The following TTC6 variants were observed in gnomAD, a reference collection of about 807,000 sequenced individuals.
The protein encoded by TTC6 is tetratricopeptide repeat domain 6.
Under a neutral mutation model 210.4 loss-of-function variants are expected in TTC6, and 172 were observed. That is an observed-to-expected ratio of 0.82 (90% CI 0.72 to 0.93). The LOEUF (loss-of-function observed/expected upper bound fraction) is 0.93, where lower values mean the gene tolerates loss of function less well. TTC6 is among the 40% of genes least tolerant of loss of function. The pLI, the probability that TTC6 is intolerant of heterozygous loss-of-function variation, is 0.00. For missense variants in TTC6, 2,414 were observed against 2,318.1 expected, an observed-to-expected ratio of 1.04 and a Z score of -0.85; for synonymous variants, 804 against 819.6, an observed-to-expected ratio of 0.98 and a Z score of 0.32.
At chr14:37,615,784 G>T (rs1282355036) in intron 2 of TTC6, among the ~76,000 whole-genome samples, 1 of 151,504 alleles carries the variant, frequency 6.6e-6, no homozygotes, top group Non-Finnish European at 1.5e-5. Context: ...TTAATCTCTA[G>T]CATATTTTCC....
intron 17 of TTC6, among the ~76,000 whole-genome samples, chr14:37,793,360 A>G (rs1443192244): frequency 1.3e-5 from 2 of 152,210 alleles, no homozygotes; most frequent in African/African-American, 2.4e-5. Flanking sequence ...AAACAAAAAA[A>G]CAAAAAACCC....
chr14:37,746,420 A>G (rs1238609218), intron 10 of TTC6, among the ~76,000 whole-genome samples: 1 of 152,184 alleles, frequency 6.6e-6, no homozygotes, highest in Admixed American at 6.5e-5. Flanking sequence ...TAATCCATGC[A>G]TGAGTGTTAC....
At chr14:37,680,448 T>A (rs1351868952) in intron 2 of TTC6, among the ~76,000 whole-genome samples, 187 bp downstream of exon 4, 1 of 152,154 alleles carries the variant, frequency 6.6e-6, no homozygotes, top group Non-Finnish European at 1.5e-5. Flanking sequence ...TGTTGCTGGC[T>A]ACCATGGACC....
At chr14:37,841,089 G>C (rs1043588058) in intron 29 of TTC6, among the ~76,000 whole-genome samples, 2 of 152,104 alleles carry the variant, frequency 1.3e-5, no homozygotes, top group African/African-American at 4.8e-5. Context: ...GGCTGGTCTC[G>C]AACTCCTGAC....
chr14:37,716,178 CAATT>C (rs1195383961), intron 6 of TTC6, among the ~76,000 whole-genome samples: 1 of 151,640 alleles, frequency 6.6e-6, no homozygotes, highest in African/African-American at 2.4e-5. Context: ...CCTAGAGTAA[CAATT>C]AAAAAGCTAT....
chr14:37,596,084 C>T (rs1167994775), intron 1 of TTC6, 76 bp downstream of exon 1: 2 of 152,262 alleles, frequency 1.3e-5, no homozygotes, highest in African/African-American at 2.4e-5. Context: ...CTCCTCTCCC[C>T]TTGTCATCTG....
At chr14:37,656,966 T>C (rs974454487) in intron 1 of TTC6, among the ~76,000 whole-genome samples, 2 of 152,030 alleles carry the variant, frequency 1.3e-5, no homozygotes, top group African/African-American at 4.8e-5. Context: ...TCCTGGCATT[T>C]TGGGAGGCCG....
exon 6 of TTC6, chr14:37,714,777 T>C (rs1332948822): frequency 6.5e-7 from 1 of 1,535,358 alleles, no homozygotes; most frequent in Non-Finnish European, 8.7e-7. Context: ...AAACCACACT[T>C]GGAAGTCTTG....
intron 1 of TTC6, among the ~76,000 whole-genome samples, chr14:37,667,052 G>A (rs535488178): frequency 1.7e-4 from 25 of 148,862 alleles, no homozygotes; most frequent in African/African-American, 5.9e-4. Flanking sequence ...GACATTTATT[G>A]TATCTAATTT....
intron 1 of TTC6, among the ~76,000 whole-genome samples, chr14:37,650,560 AGT>A (rs1234904689): frequency 1.3e-5 from 2 of 152,222 alleles, no homozygotes; most frequent in Non-Finnish European, 2.9e-5. Flanking sequence ...CCTATGGGAA[AGT>A]GTGTGAGCTT....
intron 7 of TTC6, among the ~76,000 whole-genome samples, chr14:37,726,525 A>G (rs2095873346): frequency 6.6e-6 from 1 of 152,072 alleles, no homozygotes; most frequent in African/African-American, 2.4e-5. Context: ...TTTTATTTTT[A>G]ATTTTAAATA....
intron 15 of TTC6, among the ~76,000 whole-genome samples, chr14:37,789,711 A>G (rs2096075263): frequency 6.6e-6 from 1 of 150,574 alleles, no homozygotes; most frequent in Non-Finnish European, 1.5e-5. Context: ...GTGAAAGTAC[A>G]CTCTATGATC....
chr14:37,696,555 G>A (rs1412714387), intron 3 of TTC6, 162 bp from the exon 6 acceptor site: 3 of 378,476 alleles, frequency 7.9e-6, no homozygotes. Flanking sequence ...TAAAATTTAG[G>A]AATGGATTTA....
At chr14:37,666,427 A>C (rs1340777504) in intron 1 of TTC6, among the ~76,000 whole-genome samples, 1 of 143,656 alleles carries the variant, frequency 7.0e-6, no homozygotes, top group Admixed American at 6.9e-5. Flanking sequence ...AGCCTGAGCA[A>C]CATAGTGAGG....
chr14:37,601,099 A>G (rs1160042468), intron 1 of TTC6, among the ~76,000 whole-genome samples: 1 of 152,182 alleles, frequency 6.6e-6, no homozygotes, highest in East Asian at 1.9e-4. Context: ...GGATCAAAGT[A>G]AACAAATGCA....
intron 14 of TTC6, among the ~76,000 whole-genome samples, chr14:37,786,022 G>A (rs893347633): frequency 2.0e-5 from 3 of 152,270 alleles, no homozygotes; most frequent in Non-Finnish European, 4.4e-5. Context: ...TGTATGAGGC[G>A]TCTGTTGGCC....
chr14:37,631,424 A>G (rs539862032), intron 1 of TTC6, among the ~76,000 whole-genome samples: 2 of 152,300 alleles, frequency 1.3e-5, no homozygotes, highest in East Asian at 3.9e-4. Flanking sequence ...TGCTTTAAGA[A>G]TGTTGAGTAT....
Position 37,804,673 on chromosome 14 carries a change from AT to A in TTC6, c.4030-5del, listed in dbSNP as rs2096114380. 3.1e-6 allele frequency: 5 copies of A among 1,605,840 alleles called. No individual in the cohort carries two copies. In the East Asian group the frequency reaches 1.1e-4, roughly 36 times the overall value. On this transcript the variant is annotated splice_region_variant and splice_polypyrimidine_tract_variant and intron_variant, in intron 20 of 30. Transcript: ENST00000553443. ...CTTGCCCCCTCCCTGCTTTTTTATC[AT>A]TATAGGAAGCTGTGGAAGTGCTTAA...
At chr14:37,651,231 C>T (rs1463681283) in intron 1 of TTC6, among the ~76,000 whole-genome samples, 1 of 151,500 alleles carries the variant, frequency 6.6e-6, no homozygotes, top group Admixed American at 6.6e-5. Context: ...CCCCTCCCTT[C>T]CCTGCTCCTT....
Sources: allele counts gnomAD v4.1 joint callset (sites outside exome capture counted in the v4.1 genomes callset), GRCh38; gene constraint gnomAD v4.1.1; transcripts MANE v1.5; gene names NCBI Gene and HGNC (gene_info 2026-07-23, HGNC 2026-07-21).